Variants in ABCA12 observed in about 807,000 individuals in gnomAD.
ABCA12 encodes the protein glucosylceramide transporter ABCA12.
Under a neutral mutation model 293.5 loss-of-function variants are expected in ABCA12, and 156 were observed. That is an observed-to-expected ratio of 0.53 (90% CI 0.47 to 0.61). The LOEUF (loss-of-function observed/expected upper bound fraction) is 0.61, where lower values mean the gene tolerates loss of function less well. ABCA12 is among the 20% of genes least tolerant of loss of function. ABCA12 has a pLI of 0.00. For synonymous variants in ABCA12, 1,063 were observed against 1,108.0 expected, an observed-to-expected ratio of 0.96 and a Z score of 0.81; for missense variants, 2,797 against 3,090.2, an observed-to-expected ratio of 0.91 and a Z score of 2.25.
intron 33 of ABCA12, among the ~76,000 whole-genome samples, chr2:214,976,633 C>T (rs183002961): frequency 7.4e-4 from 112 of 152,220 alleles, no homozygotes; most frequent in African/African-American, 2.6e-3. Context: ...ATATTTATTA[C>T]ATTCTCTTTA....
intron 30 of ABCA12, among the ~76,000 whole-genome samples, chr2:214,981,253 A>T (rs1699645376): frequency 6.6e-6 from 1 of 152,154 alleles, no homozygotes; most frequent in Non-Finnish European, 1.5e-5. Context: ...AATTCTTCAC[A>T]GTCTATTAGA....
At chr2:215,106,876 A>G (rs1213141714) in intron 2 of ABCA12, among the ~76,000 whole-genome samples, 1 of 152,138 alleles carries the variant, frequency 6.6e-6, no homozygotes, top group Non-Finnish European at 1.5e-5. Context: ...ATATAATTCA[A>G]TTCATGGCTG....
chr2:215,123,359 T>C (rs1342391819), intron 1 of ABCA12, among the ~76,000 whole-genome samples: 4 of 151,876 alleles, frequency 2.6e-5, no homozygotes, highest in East Asian at 1.9e-4. Flanking sequence ...TTAGTAGATA[T>C]GGGGTTTCAC....
chr2:215,135,202 A>G (rs1419756482), intron 1 of ABCA12, among the ~76,000 whole-genome samples: 2 of 151,898 alleles, frequency 1.3e-5, no homozygotes, highest in Non-Finnish European at 2.9e-5. Context: ...TAAGTGATCC[A>G]CCTGATTCGG....
chr2:214,972,537 A>C (rs1225255126), intron 36 of ABCA12, among the ~76,000 whole-genome samples: 1 of 152,018 alleles, frequency 6.6e-6, no homozygotes, highest in Non-Finnish European at 1.5e-5. Context: ...CCCACCAAGT[A>C]GCTGGGACTA....
intron 1 of ABCA12, among the ~76,000 whole-genome samples, chr2:215,112,211 G>A (rs150357441): frequency 5.9e-5 from 9 of 152,056 alleles, no homozygotes; most frequent in Non-Finnish European, 1.3e-4. Context: ...AACCAAAAAA[G>A]AAATAATTGA....
At chr2:215,021,147 T>A (rs1700623445) in intron 11 of ABCA12, among the ~76,000 whole-genome samples, 1 of 152,206 alleles carries the variant, frequency 6.6e-6, no homozygotes. Context: ...CTGTGGCCAG[T>A]CGACAATTTT....
rs192708560 is a variant in ABCA12 at position 215,084,686 on chromosome 2, C to T, written c.164-20467G>A. ...TGTGTTCCTTTGAACTTAGGAACCA[C>T]GTAATGGTTACAGTTCTCCATGAGG... On this transcript the variant is annotated intron_variant, in intron 2 of 52. Transcript: ENST00000272895. Among the ~76,000 whole-genome samples, 338 of 152,244 alleles carry T rather than the reference C, an allele frequency of 2.2e-3. 2 individuals are homozygous for T. Among genetic ancestry groups the T allele is most frequent in the Non-Finnish European group, 3.5e-3 (235 of 68,012 alleles).
chr2:215,066,710 A>G (rs775752612), intron 2 of ABCA12, among the ~76,000 whole-genome samples: 2 of 152,138 alleles, frequency 1.3e-5, no homozygotes, highest in Non-Finnish European at 2.9e-5. Flanking sequence ...GATTTTTAAC[A>G]TGTTACATGG....
At chr2:215,121,725 A>G (rs1559206362) in intron 1 of ABCA12, among the ~76,000 whole-genome samples, 1 of 152,176 alleles carries the variant, frequency 6.6e-6, no homozygotes, top group Non-Finnish European at 1.5e-5. Flanking sequence ...AGGTAATTGA[A>G]TCATGGGGGC....
chr2:214,936,938 GA>G (rs10656386), intron 51 of ABCA12, among the ~76,000 whole-genome samples: 4,008 of 147,726 alleles, frequency 0.027, 59 homozygotes, highest in African/African-American at 0.044. Flanking sequence ...CCTTTGTGAG[GA>G]AAAAAAAAAA....
At chr2:215,025,830 G>C (rs1700733291) in intron 10 of ABCA12, 51 bp from the exon 11 acceptor site, 2 of 1,358,858 alleles carry the variant, frequency 1.5e-6, no homozygotes, top group Non-Finnish European at 2.1e-6. Flanking sequence ...AGGTCATTTA[G>C]GAAACCAGTT....
chr2:215,079,675 G>T (rs1458235137), intron 2 of ABCA12, among the ~76,000 whole-genome samples: 2 of 151,588 alleles, frequency 1.3e-5, no homozygotes, highest in Non-Finnish European at 2.9e-5. Flanking sequence ...TTTGCTTATT[G>T]CTCCTAGACA....
At chr2:215,131,306 T>C (rs1420022009) in intron 1 of ABCA12, among the ~76,000 whole-genome samples, 4 of 152,008 alleles carry the variant, frequency 2.6e-5, no homozygotes, top group African/African-American at 9.7e-5. Flanking sequence ...TTCACCAAGA[T>C]TGGTACCACC....
At chr2:215,078,611 TACTC>T (rs1480954115) in intron 2 of ABCA12, among the ~76,000 whole-genome samples, 2 of 152,224 alleles carry the variant, frequency 1.3e-5, no homozygotes, top group Admixed American at 6.5e-5. Flanking sequence ...GGAGAATCAT[TACTC>T]ATTCATTCAT....
rs1298321841 is a variant in ABCA12 at position 215,086,339 on chromosome 2, A to G, written c.164-22120T>C. Among the ~76,000 whole-genome samples, 2 of 152,234 alleles carry G rather than the reference A, an allele frequency of 1.3e-5. 1 individual carries two copies. Among genetic ancestry groups the G allele is most frequent in the Non-Finnish European group, 2.9e-5 (2 of 68,050 alleles). ...CAAATCAGGAATACACAGACCAGGG[A>G]TACTTAAGTCTAAATGAGAGCCTCT... On this transcript the variant is annotated intron_variant, in intron 2 of 52. Coordinates refer to ENST00000272895, the MANE Select transcript of ABCA12 (RefSeq NM_173076.3).
At chr2:215,110,762 G>A (rs1702556552) in intron 2 of ABCA12, among the ~76,000 whole-genome samples, 1 of 152,128 alleles carries the variant, frequency 6.6e-6, no homozygotes, top group African/African-American at 2.4e-5. Flanking sequence ...ATTCAGGATT[G>A]TCTTCTTTTA....
At chr2:214,993,120 T>C (rs1699960420) in intron 23 of ABCA12, among the ~76,000 whole-genome samples, 1 of 152,260 alleles carries the variant, frequency 6.6e-6, no homozygotes, top group Non-Finnish European at 1.5e-5. Context: ...GCTACCTGGC[T>C]GCCAACAGCC....
chr2:215,048,834 T>G (rs113187170), intron 6 of ABCA12, among the ~76,000 whole-genome samples: 1 of 152,098 alleles, frequency 6.6e-6, no homozygotes, highest in Non-Finnish European at 1.5e-5. Context: ...TAACAAAGAA[T>G]GAGATGATGT....
Sources: gnomAD v4.1 joint callset for allele counts (sites outside exome capture counted in the v4.1 genomes callset) on GRCh38, gnomAD v4.1.1 for gene constraint, MANE v1.5 for transcripts, NCBI Gene and HGNC (gene_info 2026-07-23, HGNC 2026-07-21) for gene names.